UBXN8: variants seen among roughly 807,000 people sequenced by gnomAD.
UBXN8 encodes the protein UBX domain protein 8, also known as UBX domain-containing protein 8.
Under a neutral mutation model 32.1 loss-of-function variants are expected in UBXN8, and 27 were observed. The ratio of observed to expected loss-of-function variants is 0.84; its 90% CI spans 0.62 to 1.16. The LOEUF (loss-of-function observed/expected upper bound fraction) is 1.16. Ranked by LOEUF, UBXN8 falls within the 50% of genes most tolerant of loss-of-function variation. UBXN8 has a pLI of 0.00. For synonymous variants in UBXN8, 109 were observed against 111.8 expected (o/e 0.98, Z 0.16); for missense variants, 306 against 311.4 (o/e 0.98, Z 0.13).
intron 6 of UBXN8, among the ~76,000 whole-genome samples, chr8:30,762,604 G>C (rs1040634841): frequency 1.3e-5 from 2 of 151,854 alleles, no homozygotes; most frequent in African/African-American, 4.8e-5. Flanking sequence ...TGTTGGCCAG[G>C]CTGGTCACGA....
rs928906301 is a variant in UBXN8 at position 30,766,882 on chromosome 8, T to C, written c.*488T>C. The C allele has an allele frequency of 6.6e-6, 1 of 152,104 alleles. No homozygotes were observed. Among genetic ancestry groups the C allele is most frequent in the African/African-American group, 2.4e-5 (1 of 41,352 alleles). The allele number at this position is 152,104 out of a possible 1,614,324, so 9.4% of individuals were successfully genotyped here. A position where few individuals can be genotyped will look rare whatever the true frequency, so the allele number is the denominator to read the frequency against. The stretch of plus-strand genomic sequence containing the variant: ...CTTTCTGTTGGGTGTGCATTACAGT[T>C]TACTTAACTGATGTTTGCGATTTAT... On this transcript the variant is annotated 3_prime_UTR_variant, in exon 8 of 8. Transcript: ENST00000265616.
intron 1 of UBXN8, among the ~76,000 whole-genome samples, chr8:30,745,191 T>A (rs1805331590): frequency 6.6e-6 from 1 of 152,032 alleles, no homozygotes; most frequent in Non-Finnish European, 1.5e-5. Flanking sequence ...ACTAGAACAA[T>A]AACAGGAGAT....
Position 30,766,265 on chromosome 8 carries a change from A to G in UBXN8, c.684A>G (p.Ile228Met). The G allele has an allele frequency of 1.7e-5, 28 of 1,613,674 alleles. No homozygotes were observed. Among genetic ancestry groups the G allele is most frequent in the Non-Finnish European group, 2.2e-5 (26 of 1,179,716 alleles). The change falls in exon 8 of 8, where the codon ATA becomes ATG. Residue 228 changes from isoleucine (I) to methionine (M), a missense_variant. By Grantham distance (10) the Ile-to-Met change is conservative (BLOSUM62 1). Transcript: ENST00000265616. ...FDWMTRIGYHISLYSLSTSFP... is the reference protein window; with the variant it reads ...FDWMTRIGYHMSLYSLSTSFP... ...GGATGACGAGAATTGGGTACCACAT[A>G]TCTCTATACAGCCTTTCTACTTCCT... is the stretch of plus-strand genomic sequence containing the variant.
chr8:30,749,401 A>AAAAAT (rs373208430), intron 1 of UBXN8, among the ~76,000 whole-genome samples: 900 of 9,762 alleles, frequency 0.092, 16 homozygotes, highest in African/African-American at 0.14. Context: ...TCAAAAAAAA[A>AAAAAT]AAATAAAATA....
intron 5 of UBXN8, among the ~76,000 whole-genome samples, chr8:30,758,878 TTTGTTTGTTTTTTTTG>T (rs1170386934): frequency 1.6e-5 from 2 of 126,648 alleles, no homozygotes; most frequent in African/African-American, 6.1e-5. Flanking sequence ...AAATGTTTTT[TTTGTTTGTTTTTTTTG>T]TTTTTTTTTT....
chr8:30,737,986 C>T (rs552462982), intron 1 of UBXN8, among the ~76,000 whole-genome samples: 61 of 152,010 alleles, frequency 4.0e-4, no homozygotes, highest in African/African-American at 1.4e-3. Flanking sequence ...AGGCCGGGCA[C>T]GGTGGCTCAT....
chr8:30,745,428 T>A (rs1204926211), intron 1 of UBXN8, among the ~76,000 whole-genome samples: 1 of 152,154 alleles, frequency 6.6e-6, no homozygotes, highest in Non-Finnish European at 1.5e-5. Context: ...CAGTGATCAG[T>A]TTACATGTCT....
rs1313750248 is a variant in UBXN8 at position 30,747,305 on chromosome 8, G to A, written c.88+3028G>A. On this transcript the variant is annotated intron_variant, in intron 1 of 7. Coordinates refer to ENST00000265616, the MANE Select transcript of UBXN8 (RefSeq NM_005671.4). ...GGAACATAAATCCCACACCTCAGTG[G>A]TGTTTTTTTTTTTTTTTTTTTTTGA... 3.2e-5 allele frequency among the ~76,000 whole-genome samples: 2 copies of A among 63,386 alleles called. 1 individual carries two copies. The highest frequency in any genetic ancestry group is 1.0e-4 in the African/African-American group (2 of 19,666). The allele number at this position is 63,386 out of a possible 152,430, so 41.6% of individuals were successfully genotyped here.
At chr8:30,741,499 C>CG (rs1249549366), upstream of UBXN8, among the ~76,000 whole-genome samples, 1 of 138,852 alleles carries the variant, frequency 7.2e-6, no homozygotes, top group African/African-American at 2.9e-5. Context: ...CTCTATTGCC[C>CG]AGGCTGGAGT....
intron 1 of UBXN8, among the ~76,000 whole-genome samples, chr8:30,744,754 G>C (rs1156467527): frequency 6.6e-6 from 1 of 152,200 alleles, no homozygotes; most frequent in Admixed American, 6.5e-5. Flanking sequence ...TAAATAAGGG[G>C]CCACGCCCGT....
chr8:30,755,112 T>C (rs1389482058), intron 4 of UBXN8, among the ~76,000 whole-genome samples: 2 of 151,866 alleles, frequency 1.3e-5, no homozygotes, highest in African/African-American at 2.4e-5. Context: ...CCTGCCACCA[T>C]GCCCAGCTAA....
At chr8:30,737,020 C>CA (rs1223899042) in intron 1 of UBXN8, among the ~76,000 whole-genome samples, 1 of 151,962 alleles carries the variant, frequency 6.6e-6, no homozygotes, top group East Asian at 1.9e-4. Context: ...TGTTCATCAT[C>CA]AAAAAATAAA....
At chr8:30,732,020 T>C (rs1301668933), upstream of UBXN8, among the ~76,000 whole-genome samples, 1 of 151,796 alleles carries the variant, frequency 6.6e-6, no homozygotes, top group Admixed American at 6.6e-5. Flanking sequence ...TTCACCTGCT[T>C]GGACCTGAAA....
chr8:30,730,204 C>T (rs141318270), upstream of UBXN8, among the ~76,000 whole-genome samples: 128 of 152,246 alleles, frequency 8.4e-4, no homozygotes, highest in East Asian at 0.022. Flanking sequence ...AGACCCAAAA[C>T]GGGGATACAA....
intron 1 of UBXN8, among the ~76,000 whole-genome samples, chr8:30,748,792 T>C (rs932813879): frequency 1.3e-5 from 2 of 152,084 alleles, no homozygotes; most frequent in Non-Finnish European, 2.9e-5. Context: ...CCACCCGCCT[T>C]GGCCTCCCAA....
upstream of UBXN8, among the ~76,000 whole-genome samples, chr8:30,742,572 G>C (rs1451599123): frequency 5.9e-5 from 9 of 151,970 alleles, no homozygotes; most frequent in African/African-American, 1.9e-4. Flanking sequence ...GAACTCCTGA[G>C]CTGAAGCAAT....
chr8:30,764,322 C>T (rs1026298692), intron 7 of UBXN8, among the ~76,000 whole-genome samples: 4 of 152,132 alleles, frequency 2.6e-5, no homozygotes, highest in South Asian at 2.1e-4. Flanking sequence ...AGGCACACAC[C>T]ACCGTTCCTG....
rs746207427 is a variant in UBXN8 at position 30,751,437 on chromosome 8, C to T, written c.130C>T (p.Leu44=). The T allele has an allele frequency of 6.2e-7, 1 of 1,604,628 alleles. No homozygotes were observed. Among genetic ancestry groups the T allele is most frequent in the Non-Finnish European group, 8.5e-7 (1 of 1,174,800 alleles). The change falls in exon 2 of 8, where the codon CTG becomes TTG. Residue 44 remains leucine (L), a synonymous_variant. Coordinates refer to ENST00000265616, the MANE Select transcript of UBXN8 (RefSeq NM_005671.4). Reference sequence around the variant, plus strand: ...TTTGCTTTGTGGCCGGATTTTGCTACTGCTTGCTCTTCTTACTTTAACTAT... The same window carrying T: ...TTTGCTTTGTGGCCGGATTTTGCTATTGCTTGCTCTTCTTACTTTAACTAT... ...FLLLCGRILL[L]LALLTLTISV...
chr8:30,764,774 G>A lies in UBXN8; in HGVS notation c.645+1427G>A, dbSNP rs189772386. ...TTAAAACTTTAATAGTTTTTTGGCC[G>A]GGTACCATGGCTCACGCCTGTAATC... is the stretch of plus-strand genomic sequence containing the variant. On this transcript the variant is annotated intron_variant, in intron 7 of 7. Transcript: ENST00000265616. Among the ~76,000 whole-genome samples the A allele has an allele frequency of 3.6e-3, 550 of 152,294 alleles. 1 individual carries two copies. The highest frequency in any genetic ancestry group is 0.013 in the African/African-American group (531 of 41,574).
Sources: gnomAD v4.1 joint callset for allele counts (sites outside exome capture counted in the v4.1 genomes callset) on GRCh38, gnomAD v4.1.1 for gene constraint, MANE v1.5 for transcripts, NCBI Gene and HGNC (gene_info 2026-07-23, HGNC 2026-07-21) for gene names.